The following KANK1 variants were observed in gnomAD, a reference collection of about 807,000 sequenced individuals.
KANK1 encodes the protein KN motif and ankyrin repeat domains 1.
A neutral mutation model predicts 106.2 loss-of-function variants in KANK1; 109 were observed. That is an observed-to-expected ratio of 1.03 (90% CI 0.88 to 1.20). KANK1 has a LOEUF of 1.20. KANK1 is among the 50% of genes most tolerant of loss of function. KANK1 has a pLI of 0.00. For missense variants in KANK1, 2,399 were observed against 1,710.7 expected, an observed-to-expected ratio of 1.40 and a Z score of -7.10; for synonymous variants, 873 against 652.2, an observed-to-expected ratio of 1.34 and a Z score of -5.16.
chr9:645,047 C>G (rs1839337969), intron 1 of KANK1, among the ~76,000 whole-genome samples: 1 of 140,150 alleles, frequency 7.1e-6, no homozygotes, highest in Admixed American at 7.8e-5. Flanking sequence ...TTGTTTGAAC[C>G]TGGGAGGCAG....
chr9:596,727 T>C (rs1425630307), intron 1 of KANK1, among the ~76,000 whole-genome samples: 2 of 151,848 alleles, frequency 1.3e-5, no homozygotes, highest in Non-Finnish European at 2.9e-5. Context: ...TTAACTTTTA[T>C]TTATTTTTAA....
intron 1 of KANK1, among the ~76,000 whole-genome samples, chr9:630,241 C>T (rs1193216059): frequency 6.7e-6 from 1 of 149,276 alleles, no homozygotes; most frequent in African/African-American, 2.5e-5. Context: ...GAGCGAGACT[C>T]TGTCTTAAAA....
At position 734,822 on chromosome 9, in the gene KANK1, C is replaced by A; in HGVS notation, c.3320C>A (p.Thr1107Asn). The change falls in exon 7 of 12, where the codon ACC (threonine) becomes AAC (asparagine). Residue 1107 changes from threonine (T) to asparagine (N), a missense_variant. By Grantham distance (65) the Thr-to-Asn change is moderately conservative (BLOSUM62 0). Transcript: ENST00000382297. The stretch of plus-strand genomic sequence containing the variant: ...ACTATAAATGACCCCAAAGCTTTGA[C>A]CAGCAAAGATATGGTGAGTCTGACC... Reference protein sequence around the residue: ...KNTINDPKALTSKDMRFCLNT... With the variant: ...KNTINDPKALNSKDMRFCLNT... 2 of 1,612,188 alleles carry A rather than the reference C, an allele frequency of 1.2e-6. No individual in the cohort carries two copies. Among genetic ancestry groups the A allele is most frequent in the South Asian group, 2.2e-5 (2 of 91,026 alleles).
At chr9:611,764 G>C (rs544797066) in intron 1 of KANK1, among the ~76,000 whole-genome samples, 205 of 152,096 alleles carry the variant, frequency 1.3e-3, no homozygotes, top group Non-Finnish European at 2.3e-3. Context: ...TGTTGCCCAG[G>C]CTGGAGTGCA....
intron 1 of KANK1, among the ~76,000 whole-genome samples, chr9:584,835 A>G (rs1399848016): frequency 6.6e-6 from 1 of 152,238 alleles, no homozygotes; most frequent in Admixed American, 6.5e-5. Flanking sequence ...TGTTAAGTTC[A>G]GGGTTAGAAA....
chr9:708,464 A>G (rs886122119), intron 2 of KANK1, among the ~76,000 whole-genome samples: 5 of 152,224 alleles, frequency 3.3e-5, no homozygotes, highest in African/African-American at 1.2e-4. Context: ...CACTTCTTTC[A>G]CATAGAATTC....
chr9:744,722 G>A (rs971487688), intron 11 of KANK1, 133 bp downstream of exon 11: 3 of 1,558,722 alleles, frequency 1.9e-6, no homozygotes, highest in Admixed American at 1.9e-5. Flanking sequence ...TGGAGCTTAA[G>A]AGTTCATCCT....
At chr9:519,141 C>T (rs762702632) in intron 1 of KANK1, among the ~76,000 whole-genome samples, 10 of 151,770 alleles carry the variant, frequency 6.6e-5, no homozygotes, top group African/African-American at 1.7e-4. Flanking sequence ...CTGCCTGCCT[C>T]GGCCTCCCAA....
chr9:583,529 A>G (rs1453829551), intron 1 of KANK1, among the ~76,000 whole-genome samples: 2 of 152,082 alleles, frequency 1.3e-5, no homozygotes, highest in Non-Finnish European at 2.9e-5. Context: ...AAAGCTTAAT[A>G]TTAGTATCCT....
chr9:710,619 A>G (rs1825715087), intron 2 of KANK1, among the ~76,000 whole-genome samples, 185 bp from the exon 3 acceptor site: 1 of 125,124 alleles, frequency 8.0e-6, no homozygotes. Flanking sequence ...CTGTCTCAAA[A>G]AAAAAAAAAA....
At chr9:687,597 G>GC (rs1234656598) in intron 2 of KANK1, among the ~76,000 whole-genome samples, 2 of 151,430 alleles carry the variant, frequency 1.3e-5, no homozygotes, top group African/African-American at 4.9e-5. Flanking sequence ...CTGTTGCCCA[G>GC]CCCCACCCTG....
At chr9:694,713 TC>T (rs753119925) in intron 2 of KANK1, among the ~76,000 whole-genome samples, 1 of 152,122 alleles carries the variant, frequency 6.6e-6, no homozygotes, top group Non-Finnish European at 1.5e-5. Context: ...TCCGCTGTCT[TC>T]CCCTCACTCT....
rs144113754 is a variant in KANK1 at position 710,437 on chromosome 9, G to A, written c.38-367G>A. Among the ~76,000 whole-genome samples the A allele has an allele frequency of 2.2e-3, 333 of 152,030 alleles. 5 individuals carry two copies. Among genetic ancestry groups the A allele is most frequent in the East Asian group, 2.3e-3 (12 of 5,158 alleles). On this transcript the variant is annotated intron_variant, in intron 2 of 11. Transcript: ENST00000382297. ...GTTCGAGACCAGCCTGGCCAACATG[G>A]TGAAACCCTGTCTCTACTAAAAGTG...
At chr9:559,861 T>C (rs1276707252) in intron 1 of KANK1, among the ~76,000 whole-genome samples, 1 of 152,206 alleles carries the variant, frequency 6.6e-6, no homozygotes, top group African/African-American at 2.4e-5. Context: ...TCACACATAC[T>C]CTGTTCTTCA....
intron 1 of KANK1, among the ~76,000 whole-genome samples, chr9:539,312 G>A (rs1384528014): frequency 6.6e-6 from 1 of 152,180 alleles, no homozygotes; most frequent in East Asian, 1.9e-4. Context: ...AATAGGAATA[G>A]TATTAAATCT....
intron 1 of KANK1, among the ~76,000 whole-genome samples, chr9:655,985 A>C (rs1468843952): frequency 6.6e-6 from 1 of 152,124 alleles, no homozygotes; most frequent in Non-Finnish European, 1.5e-5. Context: ...CTTGCCTCAG[A>C]CCCTGCCCTT....
intron 3 of KANK1, among the ~76,000 whole-genome samples, chr9:477,120 G>A (rs1238228168): frequency 6.6e-6 from 1 of 152,184 alleles, no homozygotes; most frequent in Non-Finnish European, 1.5e-5. Flanking sequence ...GCATGACAGG[G>A]AGTTTGGGTG....
At chr9:660,398 A>T (rs530712028) in intron 1 of KANK1, 1 of 161,824 alleles carries the variant, frequency 6.2e-6, no homozygotes, top group African/African-American at 2.4e-5. Flanking sequence ...GTCCCTTGTC[A>T]CAAGTTTAAA....
At chr9:660,120 C>T (rs886580573) in intron 1 of KANK1, 3 of 430,902 alleles carry the variant, frequency 7.0e-6, no homozygotes, top group African/African-American at 4.1e-5. Flanking sequence ...AAGACCCTTA[C>T]TACTGTCCAA....
Sources: gnomAD v4.1 joint callset for allele counts (sites outside exome capture counted in the v4.1 genomes callset) on GRCh38, gnomAD v4.1.1 for gene constraint, MANE v1.5 for transcripts, NCBI Gene and HGNC (gene_info 2026-07-23, HGNC 2026-07-21) for gene names.